Variants in ZNF891 observed in about 807,000 individuals in gnomAD.
The protein encoded by ZNF891 is zinc finger protein 891, also known as hCG1646157.
For synonymous variants in ZNF891, 199 were observed against 209.0 expected (o/e 0.95, Z 0.41); for missense variants, 589 against 632.7 (o/e 0.93, Z 0.74).
In ZNF891 at chr12:133,129,643, C is replaced by T. The variant is rs534117367; in HGVS notation, c.-107+584G>A. Among the ~76,000 whole-genome samples, 4 of 152,086 alleles carry T rather than the reference C, an allele frequency of 2.6e-5. No homozygotes were observed. The East Asian group carries it at 5.8e-4, about 22-fold the overall frequency. On this transcript the variant is annotated intron_variant, in intron 1 of 1. Coordinates refer to ENST00000537226, the MANE Select transcript of ZNF891 (RefSeq NM_001277291.2). ...TTTACAGAATAGAAGAGAGACTGTG[C>T]TGTCCAAATTATTCATGAAGCTTGT...
chr12:133,120,919 T>C lies in ZNF891; in HGVS notation c.1000A>G (p.Asn334Asp), dbSNP rs1269433172. Residue 334 changes from asparagine (N) to aspartate (D), a missense_variant, in exon 2 of 2, where the codon AAT (asparagine) becomes GAT (aspartate). Transcript: ENST00000537226. ...QCGKAFKRIS[N>D]LTLYKKSHMG... ...TGACTTTTCTTGTATAAAGTAAGATTAGAAATCCTTTTGAAGGCTTTTCCA... is the reference window on the plus strand; with the variant it reads ...TGACTTTTCTTGTATAAAGTAAGATCAGAAATCCTTTTGAAGGCTTTTCCA... 6.5e-7 allele frequency: 1 copy of C among 1,537,088 alleles called. No homozygotes were observed. The highest frequency in any genetic ancestry group is 8.7e-7 in the Non-Finnish European group (1 of 1,146,896).
Position 133,117,791 on chromosome 12 carries a change from A to C in ZNF891, c.*2493T>G, listed in dbSNP as rs1030115247. ...TTCTTTGCCCTTTATTGATTCCTAAAGTCAGCCCAATCTAGCAACCATCTT... is the reference window on the plus strand; with the variant it reads ...TTCTTTGCCCTTTATTGATTCCTAACGTCAGCCCAATCTAGCAACCATCTT... On this transcript the variant is annotated 3_prime_UTR_variant, in exon 2 of 2. Transcript: ENST00000537226. The C allele has an allele frequency of 2.6e-5, 4 of 152,196 alleles. No homozygotes were observed. The highest frequency in any genetic ancestry group is 5.9e-5 in the Non-Finnish European group (4 of 68,032). 9.4% of individuals were successfully genotyped at this position (152,196 alleles called of 1,614,324 possible).
At chr12:133,129,481 A>C (rs948536683) in intron 1 of ZNF891, among the ~76,000 whole-genome samples, 1 of 150,108 alleles carries the variant, frequency 6.7e-6, no homozygotes, top group Admixed American at 6.6e-5. Flanking sequence ...AGCCTGGGCA[A>C]CAAAGAGCGA....
At position 133,120,220 on chromosome 12, in the gene ZNF891, C is replaced by A; in HGVS notation, c.*64G>T. 7.6e-7 allele frequency: 1 copy of A among 1,317,980 alleles called. No homozygotes were observed. The highest frequency in any genetic ancestry group is 2.8e-5 in the Admixed American group (1 of 35,956). 81.6% of individuals were successfully genotyped at this position (1,317,980 alleles called of 1,614,324 possible). On this transcript the variant is annotated 3_prime_UTR_variant, in exon 2 of 2. Transcript: ENST00000537226. ...AAATCGTTCTTTTAGAGAACAAAGA[C>A]TGAGACAAGGAGCTTGGAATCCACC...
chr12:133,114,897 G>A lies in ZNF891; in HGVS notation c.*5387C>T, dbSNP rs1317832779. On this transcript the variant is annotated 3_prime_UTR_variant, in exon 2 of 2. Transcript: ENST00000537226. The stretch of plus-strand genomic sequence containing the variant: ...CGTGAAATGTTATGTGATCAGGTTA[G>A]TACTTTAGATGGATCACCCTGGGAA... 1 of 152,222 alleles carries A rather than the reference G, an allele frequency of 6.6e-6. No individual in the cohort carries two copies. Among genetic ancestry groups the A allele is most frequent in the African/African-American group, 2.4e-5 (1 of 41,458 alleles). 9.4% of individuals were successfully genotyped at this position (152,222 alleles called of 1,614,324 possible). A position where few individuals can be genotyped will look rare whatever the true frequency, so the allele number is the denominator to read the frequency against.
In ZNF891 at chr12:133,106,773, G is replaced by A; in HGVS notation, c.*13511C>T. ...AAAGTGATGACTGTGAAGTAATATG[G>A]CCCACACTTTATTCACCACCCTGGA... On this transcript the variant is annotated 3_prime_UTR_variant, in exon 2 of 2. Transcript: ENST00000537226. 1 of 880,602 alleles carries A rather than the reference G, an allele frequency of 1.1e-6. No individual in the cohort carries two copies. The highest frequency in any genetic ancestry group is 1.6e-6 in the Non-Finnish European group (1 of 616,488). 54.5% of individuals were successfully genotyped at this position (880,602 alleles called of 1,614,324 possible). A position where few individuals can be genotyped will look rare whatever the true frequency, so the allele number is the denominator to read the frequency against.
At position 133,106,839 on chromosome 12, in the gene ZNF891, C is replaced by T. The variant is rs1955618358; in HGVS notation, c.*13445G>A. The T allele has an allele frequency of 8.6e-6, 4 of 467,778 alleles. No homozygotes were observed. Among genetic ancestry groups the T allele is most frequent in the Admixed American group, 7.7e-5 (2 of 25,828 alleles). 29.0% of individuals were successfully genotyped at this position (467,778 alleles called of 1,614,324 possible). On this transcript the variant is annotated 3_prime_UTR_variant, in exon 2 of 2. Transcript: ENST00000537226. ...GAATATGTGGAAAAGCCATTAATAA[C>T]CACTCTTTTATTTTTTTGCAATAAC...
rs1955718297 is a variant in ZNF891 at position 133,116,952 on chromosome 12, G to A, written c.*3332C>T. The A allele has an allele frequency of 6.6e-6, 1 of 152,184 alleles. No individual in the cohort carries two copies. Among genetic ancestry groups the A allele is most frequent in the South Asian group, 2.1e-4 (1 of 4,826 alleles). The allele number at this position is 152,184 out of a possible 1,614,324, so 9.4% of individuals were successfully genotyped here. A position where few individuals can be genotyped will look rare whatever the true frequency, so the allele number is the denominator to read the frequency against. On this transcript the variant is annotated 3_prime_UTR_variant, in exon 2 of 2. Coordinates refer to ENST00000537226, the MANE Select transcript of ZNF891 (RefSeq NM_001277291.2). ...CACTGCTTCTAACCATTGCAGCCTG[G>A]AGAAAACCACTCCTTCCTTTGAAGT...
chr12:133,120,486 T>C lies in ZNF891; in HGVS notation c.1433A>G (p.His478Arg), dbSNP rs761506142. ...TTTCTCTCCAGTGTGAGTTCTTATA[T>C]GCATTCTAAGGGATGAGACCCCACT... ...VFSGVSSLRM[H>R]IRTHTGEKPY... is the part of the protein sequence containing the mutation. Residue 478 changes from histidine (H) to arginine (R), a missense_variant, in exon 2 of 2, where the codon CAT becomes CGT. By Grantham distance (29) the His-to-Arg change is conservative. Coordinates refer to ENST00000537226, the MANE Select transcript of ZNF891 (RefSeq NM_001277291.2). The C allele has an allele frequency of 2.5e-6, 4 of 1,599,384 alleles. No individual in the cohort carries two copies. The highest frequency in any genetic ancestry group is 2.3e-5 in the East Asian group (1 of 44,242).
rs1266463951 is a variant in ZNF891, at chr12:133,106,239, G to C, written c.*14045C>G. The stretch of plus-strand genomic sequence containing the variant: ...TTCTCACACCTTACTCGACATCAGA[G>C]CATCCATACAACCAAAACCCCGTAT... On this transcript the variant is annotated 3_prime_UTR_variant, in exon 2 of 2. Transcript: ENST00000537226. The C allele has an allele frequency of 6.2e-7, 1 of 1,614,198 alleles. No individual in the cohort carries two copies. Among genetic ancestry groups the C allele is most frequent in the South Asian group, 1.1e-5 (1 of 91,088 alleles).
rs796534378 is a variant in ZNF891, at chr12:133,123,735, A to AAAC, written c.-106-1714_-106-1712dup. Among the ~76,000 whole-genome samples, 719 of 133,002 alleles carry AAAC rather than the reference A, an allele frequency of 5.4e-3. 2 individuals are homozygous for AAAC. Among genetic ancestry groups the AAAC allele is most frequent in the African/African-American group, 0.016 (639 of 39,792 alleles). 87.3% of individuals were successfully genotyped at this position (133,002 alleles called of 152,430 possible). On this transcript the variant is annotated intron_variant, in intron 1 of 1. Coordinates refer to ENST00000537226, the MANE Select transcript of ZNF891 (RefSeq NM_001277291.2). ...AAAAAAAAAAAACAAAAACACACAC[A>AAAC]AACAACAACAACAACAACAACAACA...
Position 133,106,324 on chromosome 12 carries a change from A to T in ZNF891, c.*13960T>A. On this transcript the variant is annotated 3_prime_UTR_variant, in exon 2 of 2. Transcript: ENST00000537226. ...ACTCATTCCTTATTAAACATCAGAG[A>T]ATTCATGCTGGAGAAAAGCTCTATG... is the stretch of plus-strand genomic sequence containing the variant. The T allele has an allele frequency of 6.2e-7, 1 of 1,614,198 alleles. No individual in the cohort carries two copies. The highest frequency in any genetic ancestry group is 8.5e-7 in the Non-Finnish European group (1 of 1,180,026).
chr12:133,122,681 CAT>C lies in ZNF891; in HGVS notation c.-106-659_-106-658del, dbSNP rs1418730068. 1.8e-4 allele frequency among the ~76,000 whole-genome samples: 28 copies of C among 152,286 alleles called. 1 individual carries two copies. Among genetic ancestry groups the C allele is most frequent in the Admixed American group, 1.2e-3 (18 of 15,298 alleles). ...AGGCGATGGGTTGATAGGTGCAGCA[CAT>C]GTTTACTTAACAAACCTGCGCATTC... On this transcript the variant is annotated intron_variant, in intron 1 of 1. Transcript: ENST00000537226.
intron 1 of ZNF891, among the ~76,000 whole-genome samples, chr12:133,128,786 T>C (rs1241149668): frequency 1.4e-5 from 2 of 141,718 alleles, no homozygotes; most frequent in East Asian, 4.0e-4. Flanking sequence ...AGTGAAACTC[T>C]GTCTCGAAAA....
chr12:133,121,909 TA>T lies in ZNF891; in HGVS notation c.9del (p.Met4TrpfsTer9), dbSNP rs146760373. 3.1e-3 allele frequency: 4,707 copies of T among 1,533,558 alleles called. 100 individuals are homozygous for T. The African/African-American group carries it at 0.056, about 18-fold the overall frequency. 95.0% of individuals were successfully genotyped at this position (1,533,558 alleles called of 1,614,324 possible). On this transcript the variant is annotated frameshift_variant, in exon 2 of 2. Coordinates refer to ENST00000537226, the MANE Select transcript of ZNF891 (RefSeq NM_001277291.2). LOFTEE classifies it low-confidence loss of function (END_TRUNC). MA[V>X]MDLSSPWALT... ...AAAGCCCATGGGGAGGATAGGTCCATAACTGCCATTTTATGAGTACATAAGC... is the reference window on the plus strand; with the variant it reads ...AAAGCCCATGGGGAGGATAGGTCCATACTGCCATTTTATGAGTACATAAGC...
Position 133,106,773 on chromosome 12 carries a change from G to T in ZNF891, c.*13511C>A. The T allele has an allele frequency of 2.3e-6, 2 of 880,604 alleles. No homozygotes were observed. The highest frequency in any genetic ancestry group is 3.2e-6 in the Non-Finnish European group (2 of 616,488). The allele number at this position is 880,604 out of a possible 1,614,324, so 54.5% of individuals were successfully genotyped here. On this transcript the variant is annotated 3_prime_UTR_variant, in exon 2 of 2. Coordinates refer to ENST00000537226, the MANE Select transcript of ZNF891 (RefSeq NM_001277291.2). ...AAAGTGATGACTGTGAAGTAATATG[G>T]CCCACACTTTATTCACCACCCTGGA...
In ZNF891 at chr12:133,115,416, A is replaced by AAAAAAAAAAAAAAAAAAAATG. The variant is rs1955710657; in HGVS notation, c.*4867_*4868insCATTTTTTTTTTTTTTTTTTT. ...AAAAAAAAAAAAAAAAAAAAAAAAA[A>AAAAAAAAAAAAAAAAAAAATG]GATGTGGGATAAAAGGTATAACTCA... On this transcript the variant is annotated 3_prime_UTR_variant, in exon 2 of 2. Coordinates refer to ENST00000537226, the MANE Select transcript of ZNF891 (RefSeq NM_001277291.2). 6.9e-6 allele frequency: 1 copy of AAAAAAAAAAAAAAAAAAAATG among 145,318 alleles called. No homozygotes were observed. The highest frequency in any genetic ancestry group is 1.5e-5 in the Non-Finnish European group (1 of 65,852). 9.0% of individuals were successfully genotyped at this position (145,318 alleles called of 1,614,324 possible).
intron 1 of ZNF891, among the ~76,000 whole-genome samples, chr12:133,129,439 T>G (rs1955851972): frequency 6.7e-6 from 1 of 148,714 alleles, no homozygotes; most frequent in Admixed American, 6.8e-5. Flanking sequence ...AGGCGGAGGT[T>G]GCTGTGAGCC....
chr12:133,129,310 T>C (rs1955850048), intron 1 of ZNF891, among the ~76,000 whole-genome samples: 1 of 152,044 alleles, frequency 6.6e-6, no homozygotes, highest in Non-Finnish European at 1.5e-5. Context: ...CAGACCAGCC[T>C]GACCAACATG....
Sources: allele counts gnomAD v4.1 joint callset (sites outside exome capture counted in the v4.1 genomes callset), GRCh38; gene constraint gnomAD v4.1.1; transcripts MANE v1.5; gene names NCBI Gene and HGNC (gene_info 2026-07-23, HGNC 2026-07-21).